PRUNE2: variants seen among roughly 807,000 people sequenced by gnomAD.
The protein encoded by PRUNE2 is protein prune homolog 2.
Under a neutral mutation model 252.0 loss-of-function variants are expected in PRUNE2, and 164 were observed. The observed-to-expected ratio is 0.65, with a 90% CI of 0.57 to 0.74. The LOEUF (loss-of-function observed/expected upper bound fraction) is 0.74, where lower values mean the gene tolerates loss of function less well. PRUNE2 is among the 30% of genes least tolerant of loss of function. The pLI is 0.00. For synonymous variants in PRUNE2, 1,292 were observed against 1,350.2 expected (o/e 0.96, Z 0.94); for missense variants, 3,495 against 3,711.0 (o/e 0.94, Z 1.51).
chr9:76,869,375 T>C (rs1020272893), intron 1 of PRUNE2, among the ~76,000 whole-genome samples: 2 of 152,234 alleles, frequency 1.3e-5, no homozygotes, highest in African/African-American at 2.4e-5. Context: ...CGACAGTTTT[T>C]AATGATGCCA....
At position 76,708,565 on chromosome 9, in the gene PRUNE2, A is replaced by G; in HGVS notation, c.3709T>C (p.Ser1237Pro). Residue 1237 changes from serine (S) to proline (P), a missense_variant, in exon 8 of 19, where the codon TCC becomes CCC. Transcript: ENST00000376718. ...KDMSSFMLPG[S>P]SHITDSEQRE... ...TGCTCTGAATCTGTGATATGTGAGGAGCCTGGTAACATGAATGATGACATG... is the reference window on the plus strand; with the variant it reads ...TGCTCTGAATCTGTGATATGTGAGGGGCCTGGTAACATGAATGATGACATG... The G allele has an allele frequency of 1.2e-6, 2 of 1,613,926 alleles. No homozygotes were observed. The highest frequency in any genetic ancestry group is 2.2e-5 in the South Asian group (2 of 91,074).
rs1829519514 is a variant in PRUNE2 at position 76,616,084 on chromosome 9, AAATGAGCAAATAGCTCTTCGC to A, written c.9237-1505_9237-1485del. On this transcript the variant is annotated intron_variant, in intron 18 of 18. Transcript: ENST00000376718. ...TGCCCGGCCCCTCAGTGTTTTTTTG[AAATGAGCAAATAGCTCTTCGC>A]TTTATTACCCTACTTGCAACAATCT... 3.3e-5 allele frequency among the ~76,000 whole-genome samples: 5 copies of A among 152,080 alleles called. No homozygotes were observed. In the South Asian group the frequency reaches 8.3e-4, roughly 25 times the overall value.
intron 6 of PRUNE2, among the ~76,000 whole-genome samples, chr9:76,732,788 C>T (rs1003161160): frequency 1.3e-5 from 2 of 152,202 alleles, no homozygotes; most frequent in African/African-American, 4.8e-5. Context: ...CCTCCAGCAG[C>T]CACTGGACCC....
At chr9:76,699,042 C>G (rs1348387253) in intron 9 of PRUNE2, among the ~76,000 whole-genome samples, 1 of 132,476 alleles carries the variant, frequency 7.5e-6, no homozygotes, top group Non-Finnish European at 1.6e-5. Context: ...CACCCCACCC[C>G]CACCCCCTCC....
chr9:76,627,778 C>A, intron 16 of PRUNE2: 1 of 293,622 alleles, frequency 3.4e-6, no homozygotes, highest in Non-Finnish European at 7.0e-6. Flanking sequence ...TCCATCTCTT[C>A]CTGGTTCCTA....
chr9:76,807,783 G>A (rs961340193), intron 6 of PRUNE2, among the ~76,000 whole-genome samples: 1 of 152,218 alleles, frequency 6.6e-6, no homozygotes, highest in Non-Finnish European at 1.5e-5. Context: ...CAATTAGGGA[G>A]AATTAACTAA....
In PRUNE2 at chr9:76,709,255, C is replaced by T. The variant is rs761429397; in HGVS notation, c.3019G>A (p.Glu1007Lys). 4 of 1,597,674 alleles carry T rather than the reference C, an allele frequency of 2.5e-6. No homozygotes were observed. Among genetic ancestry groups the T allele is most frequent in the South Asian group, 1.1e-5 (1 of 90,252 alleles). ...ESKDGNSTAE[E>K]TDIPPQSLQQ... Reference sequence around the variant, plus strand: ...AGTGACTGAGGAGGAATGTCAGTCTCCTCTGCCGTGGAGTTACCATCTTTT... The same window carrying T: ...AGTGACTGAGGAGGAATGTCAGTCTTCTCTGCCGTGGAGTTACCATCTTTT... Residue 1007 changes from glutamate (E) to lysine (K), a missense_variant, in exon 8 of 19, where the codon GAG becomes AAG. Transcript: ENST00000376718.
rs372566403 is a variant in PRUNE2, at chr9:76,823,770, A to AT, written c.662-45dup. 3.6e-3 allele frequency: 3,983 copies of AT among 1,104,352 alleles called. 1 individual carries two copies. Among genetic ancestry groups the AT allele is most frequent in the South Asian group, 0.015 (998 of 67,014 alleles). 68.4% of individuals were successfully genotyped at this position (1,104,352 alleles called of 1,614,324 possible). On this transcript the variant is annotated intron_variant, in intron 5 of 18. Coordinates refer to ENST00000376718, the MANE Select transcript of PRUNE2 (RefSeq NM_015225.3). ...AAAAACATTATGTTATACTTGAGGG[A>AT]TTTTTTTTTTGTAATATCAAGCGAT...
chr9:76,691,578 GATTCTTTAGAAAAAC>G lies in PRUNE2; in HGVS notation c.8276+11744_8276+11758del, dbSNP rs1345562969. ...CTCAGGTAAGACTTAAAGGTTACAA[GATTCTTTAGAAAAAC>G]AGATGCACTAGCTTCAATAGCAATT... On this transcript the variant is annotated intron_variant, in intron 9 of 18. Transcript: ENST00000376718. 2.0e-5 allele frequency among the ~76,000 whole-genome samples: 3 copies of G among 152,180 alleles called. No individual in the cohort carries two copies. In the South Asian group the frequency reaches 6.2e-4, roughly 32 times the overall value.
intron 1 of PRUNE2, among the ~76,000 whole-genome samples, chr9:76,865,428 T>G (rs1277264519): frequency 2.0e-5 from 3 of 152,214 alleles, no homozygotes; most frequent in Non-Finnish European, 4.4e-5. Context: ...TGCATTAAGA[T>G]AAAGTATTCA....
chr9:76,615,810 G>A (rs1263479745), intron 18 of PRUNE2, among the ~76,000 whole-genome samples: 4 of 108,858 alleles, frequency 3.7e-5, no homozygotes, highest in African/African-American at 7.2e-5. Context: ...TTGCTCTGTC[G>A]CCATGCTGGA....
At chr9:76,624,039 G>A (rs1194093231) in intron 17 of PRUNE2, among the ~76,000 whole-genome samples, 4 of 152,110 alleles carry the variant, frequency 2.6e-5, no homozygotes, top group African/African-American at 4.8e-5. Flanking sequence ...TTCATAGAAG[G>A]CCGTGAAATT....
rs139421942 is a variant in PRUNE2, at chr9:76,678,738, G to A, written c.8277-23236C>T. ...CAGCTACTTGGAGGCTGAGGCAGGA[G>A]AATGGTGTGAACCTCGGAGGCGGAG... is the stretch of plus-strand genomic sequence containing the variant. On this transcript the variant is annotated intron_variant, in intron 9 of 18. Coordinates refer to ENST00000376718, the MANE Select transcript of PRUNE2 (RefSeq NM_015225.3). Among the ~76,000 whole-genome samples the A allele has an allele frequency of 2.5e-3, 384 of 152,198 alleles. 10 individuals carry two copies. In the East Asian group the frequency reaches 0.06, roughly 24 times the overall value.
chr9:76,708,785 C>T lies in PRUNE2; in HGVS notation c.3489G>A (p.Pro1163=), dbSNP rs768914849. ...GCTGTCTCACTGTAAATCGGGTTTC[C>T]GGCTCGGAACCTTCAGCCATGTATC... The part of the protein sequence containing the change: ...TEGYMAEGSE[P]ETRFTVRQLE... Residue 1163 remains proline (P), a synonymous_variant, in exon 8 of 19, where the codon CCG becomes CCA. Coordinates refer to ENST00000376718, the MANE Select transcript of PRUNE2 (RefSeq NM_015225.3). 59 of 1,613,884 alleles carry T rather than the reference C, an allele frequency of 3.7e-5. No homozygotes were observed. The highest frequency in any genetic ancestry group is 4.7e-5 in the Non-Finnish European group (56 of 1,179,872).
At chr9:76,826,125 T>A (rs2058331280) in intron 5 of PRUNE2, among the ~76,000 whole-genome samples, 1 of 152,160 alleles carries the variant, frequency 6.6e-6, no homozygotes, top group Admixed American at 6.5e-5. Flanking sequence ...CAACATTATG[T>A]GCCTGAAAAC....
intron 9 of PRUNE2, among the ~76,000 whole-genome samples, chr9:76,670,573 C>T (rs1227031470): frequency 6.6e-6 from 1 of 152,150 alleles, no homozygotes; most frequent in East Asian, 1.9e-4. Flanking sequence ...GCCTGCCTGC[C>T]TCTGTAGGCT....
chr9:76,836,128 C>T (rs1392664522), intron 4 of PRUNE2, among the ~76,000 whole-genome samples: 1 of 152,010 alleles, frequency 6.6e-6, no homozygotes, highest in African/African-American at 2.4e-5. Flanking sequence ...TACAAATGTG[C>T]ACGCATACAA....
At chr9:76,687,613 C>G (rs1322818664) in intron 9 of PRUNE2, 1 of 415,508 alleles carries the variant, frequency 2.4e-6, no homozygotes, top group Non-Finnish European at 4.9e-6. Context: ...GTTGTAGCTT[C>G]TTTCTGATAC....
intron 6 of PRUNE2, among the ~76,000 whole-genome samples, chr9:76,744,293 G>T (rs998543291): frequency 1.3e-5 from 2 of 152,194 alleles, no homozygotes; most frequent in African/African-American, 4.8e-5. Flanking sequence ...GGGAATTAAA[G>T]CACTAGATGA....
Sources: allele counts gnomAD v4.1 joint callset (sites outside exome capture counted in the v4.1 genomes callset), GRCh38; gene constraint gnomAD v4.1.1; transcripts MANE v1.5; gene names NCBI Gene and HGNC (gene_info 2026-07-23, HGNC 2026-07-21).